VGLL2: variants seen among roughly 807,000 people sequenced by gnomAD.
VGLL2 encodes the protein vestigial like family member 2.
A neutral mutation model predicts 27.0 loss-of-function variants in VGLL2; 18 were observed. The observed-to-expected ratio is 0.67, with a 90% CI of 0.46 to 0.99. VGLL2 has a LOEUF of 0.99. VGLL2 is among the 50% of genes least tolerant of loss of function. VGLL2 has a pLI of 0.00. For missense variants in VGLL2, 491 were observed against 452.3 expected, an observed-to-expected ratio of 1.09 and a Z score of -0.78; for synonymous variants, 220 against 201.1, an observed-to-expected ratio of 1.09 and a Z score of -0.80.
chr6:117,272,066 G>A (rs1486699094), intron 3 of VGLL2, among the ~76,000 whole-genome samples: 2 of 50,956 alleles, frequency 3.9e-5, no homozygotes, highest in East Asian at 5.6e-4. Flanking sequence ...TCCCCACCCC[G>A]CCCCCAACTT....
rs1267922182 is a variant in VGLL2, at chr6:117,270,758, C to G, written c.607C>G (p.His203Asp). The change falls in exon 3 of 4, where the codon CAC becomes GAC. Residue 203 changes from histidine (H) to aspartate (D), a missense_variant. Coordinates refer to ENST00000326274, the MANE Select transcript of VGLL2 (RefSeq NM_182645.3). ...PWHHAHPHHA[H>D]PHHPYALGGA... ...GCACCACGCGCACCCGCACCACGCG[C>G]ACCCGCATCACCCCTACGCCCTGGG... 1 of 1,500,374 alleles carries G rather than the reference C, an allele frequency of 6.7e-7. No individual in the cohort carries two copies. Among genetic ancestry groups the G allele is most frequent in the Non-Finnish European group, 8.8e-7 (1 of 1,134,242 alleles). The allele number at this position is 1,500,374 out of a possible 1,614,324, so 92.9% of individuals were successfully genotyped here.
chr6:117,269,736 G>A (rs1456699104), intron 2 of VGLL2, among the ~76,000 whole-genome samples: 1 of 152,058 alleles, frequency 6.6e-6, no homozygotes, highest in African/African-American at 2.4e-5. Flanking sequence ...TTAAAATGCT[G>A]TCACGGGCTA....
In VGLL2 at chr6:117,270,697, G is replaced by A; in HGVS notation, c.546G>A (p.Leu182=). Residue 182 remains leucine (L), a synonymous_variant, in exon 3 of 4, where the codon CTG becomes CTA. Coordinates refer to ENST00000326274, the MANE Select transcript of VGLL2 (RefSeq NM_182645.3). The part of the protein sequence containing the change: ...AAADPYSPAA[L]HGHLHQGATE... ...CCGACCCCTACTCGCCCGCCGCGCTGCATGGCCACCTGCACCAGGGCGCCA... is the reference window on the plus strand; with the variant it reads ...CCGACCCCTACTCGCCCGCCGCGCTACATGGCCACCTGCACCAGGGCGCCA... 6.5e-7 allele frequency: 1 copy of A among 1,537,816 alleles called. No individual in the cohort carries two copies. Among genetic ancestry groups the A allele is most frequent in the African/African-American group, 1.4e-5 (1 of 70,592 alleles).
rs762916748 is a variant in VGLL2 at position 117,270,797 on chromosome 6, G to C, written c.646G>C (p.Ala216Pro). 6.9e-7 allele frequency: 1 copy of C among 1,439,716 alleles called. No individual in the cohort carries two copies. The highest frequency in any genetic ancestry group is 2.6e-5 in the Admixed American group (1 of 38,016). 89.2% of individuals were successfully genotyped at this position (1,439,716 alleles called of 1,614,324 possible). Residue 216 changes from alanine (A) to proline (P), a missense_variant, in exon 3 of 4, where the codon GCC becomes CCC. Ala to Pro is a conservative substitution (Grantham distance 27). Coordinates refer to ENST00000326274, the MANE Select transcript of VGLL2 (RefSeq NM_182645.3). ...CTACGCCCTGGGCGGCGCCCTCGGC[G>C]CCCAGGCCGCCCCCTACCCGCGCCC... ...HPYALGGALG[A>P]QAAPYPRPAA...
At position 117,270,975 on chromosome 6, in the gene VGLL2, C is replaced by G. The variant is rs1773182661; in HGVS notation, c.824C>G (p.Pro275Arg). Residue 275 changes from proline to arginine, a missense_variant, in exon 3 of 4, where the codon CCG becomes CGG. Physicochemically the swap from Pro to Arg is moderately radical, Grantham distance 103 (BLOSUM62 -2). Coordinates refer to ENST00000326274, the MANE Select transcript of VGLL2 (RefSeq NM_182645.3). ...PPCELSGKGE[P>R]AGAAWAGPGG... is the part of the protein sequence containing the mutation. ...TGCGAGCTCTCCGGCAAAGGCGAGC[C>G]GGCGGGCGCCGCGTGGGCCGGGCCC... 3.2e-6 allele frequency: 4 copies of G among 1,231,350 alleles called. No homozygotes were observed. The South Asian group carries it at 1.2e-4, about 37-fold the overall frequency. The allele number at this position is 1,231,350 out of a possible 1,614,324, so 76.3% of individuals were successfully genotyped here.
At chr6:117,272,333 A>AG in intron 3 of VGLL2, 121 bp from the exon 4 acceptor site, 1 of 1,561,532 alleles carries the variant, frequency 6.4e-7, no homozygotes. Context: ...GACAAAAGCA[A>AG]GGATGTGTAC....
chr6:117,268,550 C>A, intron 2 of VGLL2, 59 bp downstream of exon 2: 1 of 1,452,542 alleles, frequency 6.9e-7, no homozygotes, highest in South Asian at 1.4e-5. Context: ...CTGGGGTTCA[C>A]CTACAGGAGC....
Position 117,265,767 on chromosome 6 carries a change from A to T in VGLL2, c.4A>T (p.Ser2Cys). Residue 2 changes from serine (S) to cysteine (C), a missense_variant, in exon 1 of 4, where the codon AGC (serine) becomes TGC (cysteine). By Grantham distance (112) the Ser-to-Cys change is moderately radical. Transcript: ENST00000326274. M[S>C]CLDVMYQVYG... ...ACCGTCTCCGCTGCGGAGAGTCATG[A>T]GCTGTCTGGATGTTATGTACCAAGT... The T allele has an allele frequency of 6.2e-7, 1 of 1,613,972 alleles. No individual in the cohort carries two copies. Among genetic ancestry groups the T allele is most frequent in the Non-Finnish European group, 8.5e-7 (1 of 1,179,854 alleles).
chr6:117,268,068 C>T, intron 1 of VGLL2, 114 bp from the exon 2 acceptor site: 1 of 1,113,442 alleles, frequency 9.0e-7, no homozygotes, highest in Non-Finnish European at 1.3e-6. Flanking sequence ...AGGCTTAAGC[C>T]CATATGCCAG....
Position 117,272,518 on chromosome 6 carries a change from T to C in VGLL2, c.*24T>C. On this transcript the variant is annotated 3_prime_UTR_variant, in exon 4 of 4. Transcript: ENST00000326274. The stretch of plus-strand genomic sequence containing the variant: ...GATCTGCTGACCCAGGGTTTCCCCT[T>C]CCCCTTCCCTTCTGACCAGCCTTGG... The C allele has an allele frequency of 6.2e-7, 1 of 1,614,124 alleles. No homozygotes were observed. Among genetic ancestry groups the C allele is most frequent in the Non-Finnish European group, 8.5e-7 (1 of 1,180,022 alleles).
chr6:117,272,600 C>G lies in VGLL2; in HGVS notation c.*106C>G, dbSNP rs1426518930. The G allele has an allele frequency of 3.3e-6, 5 of 1,516,980 alleles. No homozygotes were observed. The African/African-American group carries it at 4.2e-5, about 13-fold the overall frequency. The allele number at this position is 1,516,980 out of a possible 1,614,324, so 94.0% of individuals were successfully genotyped here. A position where few individuals can be genotyped will look rare whatever the true frequency, so the allele number is the denominator to read the frequency against. On this transcript the variant is annotated 3_prime_UTR_variant, in exon 4 of 4. Transcript: ENST00000326274. The stretch of plus-strand genomic sequence containing the variant: ...ATGAGGACATGGGGGAAGGCAGAGA[C>G]TTCAGACTTCTCAGTGTGTTGGGAA...
rs2128517336 is a variant in VGLL2 at position 117,271,079 on chromosome 6, A to T, written c.913+15A>T. The T allele has an allele frequency of 8.2e-7, 1 of 1,217,970 alleles. No individual in the cohort carries two copies. The highest frequency in any genetic ancestry group is 3.2e-5 in the East Asian group (1 of 30,770). 75.4% of individuals were successfully genotyped at this position (1,217,970 alleles called of 1,614,324 possible). ...CGTGGACTCAGGTAAGCAGAGGAAG[A>T]AGTTTGGTCTCCGCGGAGCCGCTCG... On this transcript the variant is annotated intron_variant, in intron 3 of 3. Transcript: ENST00000326274.
At chr6:117,272,193 C>A in intron 3 of VGLL2, 1 of 493,176 alleles carries the variant, frequency 2.0e-6, no homozygotes, top group Non-Finnish European at 2.6e-6. Flanking sequence ...CTTCCTCCTC[C>A]TCCTCTTCTT....
Position 117,265,792 on chromosome 6 carries a change from T to C in VGLL2, c.29T>C (p.Val10Ala), listed in dbSNP as rs762047946. 2.4e-5 allele frequency: 38 copies of C among 1,613,928 alleles called. No individual in the cohort carries two copies. The highest frequency in any genetic ancestry group is 1.5e-4 in the South Asian group (14 of 91,076). The change falls in exon 1 of 4, where the codon GTC becomes GCC. Residue 10 changes from valine to alanine, a missense_variant. Physicochemically the swap from Val to Ala is moderately conservative, Grantham distance 64 (BLOSUM62 0). Coordinates refer to ENST00000326274, the MANE Select transcript of VGLL2 (RefSeq NM_182645.3). The part of the protein sequence containing the change: MSCLDVMYQ[V>A]YGPPQPYFAA... Reference sequence around the variant, plus strand: ...AGCTGTCTGGATGTTATGTACCAAGTCTATGGTCCTCCGCAGCCCTACTTC... The same window carrying C: ...AGCTGTCTGGATGTTATGTACCAAGCCTATGGTCCTCCGCAGCCCTACTTC...
rs942246552 is a variant in VGLL2, at chr6:117,270,555, C to G, written c.404C>G (p.Pro135Arg). The G allele has an allele frequency of 6.3e-6, 10 of 1,598,426 alleles. No homozygotes were observed. The highest frequency in any genetic ancestry group is 7.7e-6 in the Non-Finnish European group (9 of 1,173,924). Reference sequence around the variant, plus strand: ...GGCCGGCCTACAGACTGCTCCTTCCCGATGAGCCAGCGCAGCTTCCCCGCC... The same window carrying G: ...GGCCGGCCTACAGACTGCTCCTTCCGGATGAGCCAGCGCAGCTTCCCCGCC... ...SSGPWRDCSF[P>R]MSQRSFPASF... The change falls in exon 3 of 4, where the codon CCG becomes CGG. Residue 135 changes from proline to arginine, a missense_variant. Coordinates refer to ENST00000326274, the MANE Select transcript of VGLL2 (RefSeq NM_182645.3).
Position 117,270,616 on chromosome 6 carries a change from C to G in VGLL2, c.465C>G (p.Pro155=), listed in dbSNP as rs776762140. 3.1e-6 allele frequency: 5 copies of G among 1,592,842 alleles called. No homozygotes were observed. The highest frequency in any genetic ancestry group is 3.4e-5 in the Admixed American group (2 of 58,994). The stretch of plus-strand genomic sequence containing the variant: ...ATAGCGCGTACCAGGCGCCAGTGCC[C>G]CCGCCGCTGGGCAGCCCTCTGGCCA... ...FWNSAYQAPV[P]PPLGSPLATA... Residue 155 remains proline (P), a synonymous_variant, in exon 3 of 4, where the codon CCC becomes CCG. Transcript: ENST00000326274.
rs1773167301 is a variant in VGLL2 at position 117,270,652 on chromosome 6, G to A, written c.501G>A (p.Ser167=). 1 of 1,573,254 alleles carries A rather than the reference G, an allele frequency of 6.4e-7. No individual in the cohort carries two copies. Residue 167 remains serine, a synonymous_variant, in exon 3 of 4, where the codon TCG becomes TCA. Coordinates refer to ENST00000326274, the MANE Select transcript of VGLL2 (RefSeq NM_182645.3). ...GCAGCCCTCTGGCCACCGCGCACTC[G>A]GAGCTGCCCTTCGCCGCCGCCGACC... ...PLGSPLATAH[S]ELPFAAADPY...
Position 117,265,785 on chromosome 6 carries a change from T to C in VGLL2, c.22T>C (p.Tyr8His), listed in dbSNP as rs879394420. The C allele has an allele frequency of 3.7e-6, 6 of 1,614,136 alleles. No individual in the cohort carries two copies. The highest frequency in any genetic ancestry group is 5.1e-6 in the Non-Finnish European group (6 of 1,179,986). The change falls in exon 1 of 4, where the codon TAC (tyrosine) becomes CAC (histidine). Residue 8 changes from tyrosine to histidine, a missense_variant. Tyr to His is a moderately conservative substitution (Grantham distance 83). Coordinates refer to ENST00000326274, the MANE Select transcript of VGLL2 (RefSeq NM_182645.3). ...AGTCATGAGCTGTCTGGATGTTATG[T>C]ACCAAGTCTATGGTCCTCCGCAGCC... MSCLDVM[Y>H]QVYGPPQPYF...
intron 3 of VGLL2, 145 bp from the exon 4 acceptor site, chr6:117,272,309 G>A (rs2128517594): frequency 5.4e-6 from 8 of 1,482,394 alleles, no homozygotes; most frequent in Non-Finnish European, 6.3e-6. Flanking sequence ...CTATTTTCAG[G>A]TTTGCAGCCT....
Sources: allele counts gnomAD v4.1 joint callset (sites outside exome capture counted in the v4.1 genomes callset), GRCh38; gene constraint gnomAD v4.1.1; transcripts MANE v1.5; gene names NCBI Gene and HGNC (gene_info 2026-07-23, HGNC 2026-07-21).